MASP1: variants seen among roughly 807,000 people sequenced by gnomAD.
MASP1 encodes the protein MBL associated serine protease 1, also known as mannan-binding lectin serine protease 1.
In MASP1, 59 loss-of-function variants were observed where a neutral mutation model predicts 77.1. The observed-to-expected ratio is 0.77, with a 90% CI of 0.62 to 0.95. The LOEUF is 0.95. MASP1 is among the 40% of genes least tolerant of loss of function. MASP1 has a pLI of 0.00. For synonymous variants in MASP1, 362 were observed against 354.5 expected (o/e 1.02, Z -0.24); for missense variants, 885 against 912.9 (o/e 0.97, Z 0.39).
intron 5 of MASP1, among the ~76,000 whole-genome samples, chr3:187,256,238 A>G (rs7638118): frequency 0.12 from 17,562 of 152,238 alleles, 1,284 homozygotes; most frequent in East Asian, 0.27. Flanking sequence ...CTTATTTAAA[A>G]CAAATTAAAA....
chr3:187,232,847 G>A (rs3864097), downstream of MASP1, among the ~76,000 whole-genome samples: 43,269 of 152,118 alleles, frequency 0.28, 6,799 homozygotes, highest in East Asian at 0.67. Flanking sequence ...AGTGCAAAGC[G>A]TAAATAAGCT....
At chr3:187,220,406 C>A (rs1217473244) in intron 15 of MASP1, 4 of 653,240 alleles carry the variant, frequency 6.1e-6, no homozygotes, top group Admixed American at 2.8e-5. Context: ...CTGGGCAGTT[C>A]TAGGTCAGGC....
chr3:187,224,963 CT>C (rs1268535008), intron 13 of MASP1, among the ~76,000 whole-genome samples: 2 of 152,204 alleles, frequency 1.3e-5, no homozygotes, highest in African/African-American at 4.8e-5. Context: ...AGGTTCTTAC[CT>C]TTGTTTCCCC....
chr3:187,276,378 C>G (rs1716971029), intron 2 of MASP1, among the ~76,000 whole-genome samples: 1 of 152,190 alleles, frequency 6.6e-6, no homozygotes, highest in Non-Finnish European at 1.5e-5. Flanking sequence ...ACTGCTGTAC[C>G]CTAAGCTCTA....
chr3:187,229,259 A>C (rs1378744399), downstream of MASP1, among the ~76,000 whole-genome samples: 1 of 151,872 alleles, frequency 6.6e-6, no homozygotes, highest in African/African-American at 2.4e-5. Context: ...TCCATCCATC[A>C]TACCCTGTTC....
intron 2 of MASP1, among the ~76,000 whole-genome samples, chr3:187,281,777 T>C (rs1717431834): frequency 6.6e-6 from 1 of 152,224 alleles, no homozygotes; most frequent in Non-Finnish European, 1.5e-5. Flanking sequence ...GGGGATCATC[T>C]TGTTCCATCC....
intron 2 of MASP1, among the ~76,000 whole-genome samples, chr3:187,267,226 T>C (rs1350584266): frequency 6.6e-6 from 1 of 152,172 alleles, no homozygotes; most frequent in African/African-American, 2.4e-5. Flanking sequence ...CCTCAAGACA[T>C]TAGGCAAATA....
chr3:187,252,736 G>A (rs1023854116), intron 6 of MASP1, among the ~76,000 whole-genome samples: 17 of 152,130 alleles, frequency 1.1e-4, no homozygotes, highest in Non-Finnish European at 2.1e-4. Context: ...GGGCTTTGCT[G>A]ATGGGGGGCC....
At chr3:187,220,562 A>C (rs1711995901) in intron 15 of MASP1, among the ~76,000 whole-genome samples, 1 of 141,232 alleles carries the variant, frequency 7.1e-6, no homozygotes, top group African/African-American at 2.7e-5. Context: ...CAGTGGCACG[A>C]TCTCGGCTCA....
chr3:187,255,297 G>A (rs1714978927), intron 5 of MASP1, among the ~76,000 whole-genome samples: 2 of 152,186 alleles, frequency 1.3e-5, no homozygotes, highest in Admixed American at 6.5e-5. Flanking sequence ...AACTTCTAGA[G>A]CTGAGAGCCA....
At chr3:187,256,965 A>G in intron 4 of MASP1, 105 bp from the exon 5 acceptor site, 1 of 964,022 alleles carries the variant, frequency 1.0e-6, no homozygotes, top group Non-Finnish European at 1.6e-6. Flanking sequence ...AGCAGTAGAC[A>G]GGGAAGGTAT....
At chr3:187,222,455 T>A (rs1259579081) in intron 14 of MASP1, among the ~76,000 whole-genome samples, 1 of 152,130 alleles carries the variant, frequency 6.6e-6, no homozygotes, top group Non-Finnish European at 1.5e-5. Context: ...TTAAAATATG[T>A]CAAAATAATA....
chr3:187,218,451 G>A (rs1475258998), exon 16 of MASP1: 1 of 152,574 alleles, frequency 6.6e-6, no homozygotes, highest in Non-Finnish European at 1.5e-5. Context: ...AGCTTGACAA[G>A]TGTCTGATGG....
chr3:187,222,999 TG>T, intron 14 of MASP1: 1 of 785,066 alleles, frequency 1.3e-6, no homozygotes, highest in Non-Finnish European at 2.2e-6. Flanking sequence ...GAGGTGGGTC[TG>T]GGCTCCTAGT....
chr3:187,286,653 GC>G (rs1287378825), intron 1 of MASP1, among the ~76,000 whole-genome samples: 1 of 152,212 alleles, frequency 6.6e-6, no homozygotes, highest in Non-Finnish European at 1.5e-5. Context: ...ATAAAGAGTT[GC>G]AAAAGAGACA....
At chr3:187,225,068 A>C (rs565312897) in intron 13 of MASP1, among the ~76,000 whole-genome samples, 19 of 152,170 alleles carry the variant, frequency 1.2e-4, no homozygotes, top group African/African-American at 4.3e-4. Context: ...CCCTATATTA[A>C]ATTCTCTCTG....
rs539976478 is a variant in MASP1 at position 187,247,590 on chromosome 3, C to G, written c.1090+2661G>C. ...CAGTTTGGGATTGTGGAATTTGTAT[C>G]GTTCTGAGAATTTGCAGAGTCATAC... On this transcript the variant is annotated intron_variant, in intron 8 of 10. Transcript: ENST00000296280. Among the ~76,000 whole-genome samples the G allele has an allele frequency of 2.0e-5, 3 of 152,292 alleles. No individual in the cohort carries two copies. In the South Asian group the frequency reaches 6.2e-4, roughly 32 times the overall value.
In MASP1 at chr3:187,235,812, C is replaced by G. The variant is rs533236263; in HGVS notation, c.2059G>C (p.Gly687Arg). ...TTGCTGCCGCATTCTTCAGGTCCCC[C>G]CCAGGACACCAGGCCTTGCACCACC... Reference protein sequence around the residue: ...RWVVQGLVSWGGPEECGSKQV... With the variant: ...RWVVQGLVSWRGPEECGSKQV... Residue 687 changes from glycine to arginine, a missense_variant, in exon 11 of 11, where the codon GGG (glycine) becomes CGG (arginine). Coordinates refer to ENST00000296280, the MANE Select transcript of MASP1 (RefSeq NM_139125.4). The G allele has an allele frequency of 1.9e-6, 3 of 1,614,190 alleles. No homozygotes were observed. Among genetic ancestry groups the G allele is most frequent in the East Asian group, 4.5e-5 (2 of 44,880 alleles).
At chr3:187,253,017 A>G in intron 6 of MASP1, 151 bp downstream of exon 6, 1 of 901,866 alleles carries the variant, frequency 1.1e-6, no homozygotes, top group South Asian at 1.5e-5. Context: ...CTGAGTCAGG[A>G]GAAAGCACGT....
Sources: gnomAD v4.1 joint callset for allele counts (sites outside exome capture counted in the v4.1 genomes callset) on GRCh38, gnomAD v4.1.1 for gene constraint, MANE v1.5 for transcripts, NCBI Gene and HGNC (gene_info 2026-07-23, HGNC 2026-07-21) for gene names.